Variants in ATG2B observed in about 807,000 individuals in gnomAD.
The protein encoded by ATG2B is autophagy related 2B, also known as autophagy-related protein 2 homolog B.
In ATG2B, 121 loss-of-function variants were observed where a neutral mutation model predicts 241.3. That is an observed-to-expected ratio of 0.50 (90% CI 0.43 to 0.58). The LOEUF is 0.58. Among genes scored for constraint, ATG2B ranks in the 20% least tolerant of loss-of-function variants. The pLI is 0.00. For synonymous variants in ATG2B, 858 were observed against 876.6 expected, an observed-to-expected ratio of 0.98 and a Z score of 0.37; for missense variants, 2,306 against 2,491.6, an observed-to-expected ratio of 0.93 and a Z score of 1.59.
chr14:96,304,648 A>C (rs2139849474), intron 31 of ATG2B, 45 bp from the exon 32 acceptor site: 1 of 1,416,624 alleles, frequency 7.1e-7, no homozygotes. Context: ...TTAAAGGAAT[A>C]TTCAAAGAAA....
chr14:96,349,589 G>A (rs981179685), intron 1 of ATG2B, among the ~76,000 whole-genome samples: 2 of 152,148 alleles, frequency 1.3e-5, no homozygotes, highest in Admixed American at 1.3e-4. Flanking sequence ...AACATATTTA[G>A]GAAGTAGAAT....
rs1261125006 is a variant in ATG2B at position 96,279,395 on chromosome 14, G to GTTCA, written c.*6356_*6359dup. On this transcript the variant is annotated 3_prime_UTR_variant, in exon 42 of 42. Transcript: ENST00000359933. Reference sequence around the variant, plus strand: ...CAGACAGGACTAGATGACCACTCGGGTTCACTCACTCATTCATTCATTCAT... The same window carrying GTTCA: ...CAGACAGGACTAGATGACCACTCGGGTTCATTCACTCACTCATTCATTCATTCAT... 1 of 87,634 alleles carries GTTCA rather than the reference G, an allele frequency of 1.1e-5. No homozygotes were observed. The highest frequency in any genetic ancestry group is 5.2e-5 in the African/African-American group (1 of 19,300). The allele number at this position is 87,634 out of a possible 1,614,324, so 5.4% of individuals were successfully genotyped here. A position where few individuals can be genotyped will look rare whatever the true frequency, so the allele number is the denominator to read the frequency against.
chr14:96,311,088 G>A (rs753388962), intron 28 of ATG2B, 29 bp downstream of exon 28: 36 of 1,579,882 alleles, frequency 2.3e-5, no homozygotes, highest in Non-Finnish European at 3.0e-5. Context: ...ACATGGCAGG[G>A]ACTGGAGGAA....
In ATG2B at chr14:96,325,724, C is replaced by A. The variant is rs774668959; in HGVS notation, c.2362G>T (p.Glu788Ter). The change falls in exon 15 of 42, where the codon GAA becomes TAA. Residue 788 changes from glutamate to a stop codon, truncating the protein, a stop_gained. Transcript: ENST00000359933. LOFTEE classifies it high-confidence loss of function. ...EILYLAFTDL[E>*]FKTEFIGGST... is the part of the protein sequence containing the mutation. The stretch of plus-strand genomic sequence containing the variant: ...CCTCCTATAAATTCAGTCTTAAATT[C>A]TAGATCTGTGAAGGCTAAATAAAGG... 6.2e-7 allele frequency: 1 copy of A among 1,613,792 alleles called. No homozygotes were observed. Among genetic ancestry groups the A allele is most frequent in the South Asian group, 1.1e-5 (1 of 91,066 alleles).
intron 34 of ATG2B, among the ~76,000 whole-genome samples, chr14:96,297,034 G>A (rs1221899674): frequency 2.0e-5 from 3 of 151,990 alleles, no homozygotes; most frequent in Non-Finnish European, 2.9e-5. Flanking sequence ...ATTCTGAAGC[G>A]GGGTAGTGGG....
intron 37 of ATG2B, 146 bp from the exon 38 acceptor site, chr14:96,291,828 A>G: frequency 1.6e-6 from 1 of 620,530 alleles, no homozygotes; most frequent in Non-Finnish European, 2.7e-6. Context: ...TATATCTTAC[A>G]ATACATATGA....
intron 11 of ATG2B, 74 bp from the exon 12 acceptor site, chr14:96,329,708 CAAGTT>C: frequency 1.1e-6 from 1 of 938,582 alleles, no homozygotes; most frequent in Non-Finnish European, 1.6e-6. Flanking sequence ...CTGACAAGTT[CAAGTT>C]ATCAATAATT....
chr14:96,287,241 G>A (rs1328949728), intron 41 of ATG2B, among the ~76,000 whole-genome samples: 53 of 106,146 alleles, frequency 5.0e-4, no homozygotes, highest in African/African-American at 1.9e-3. Context: ...GCAACAGAGC[G>A]AGACTCCGTC....
chr14:96,307,528 G>A (rs552972079), intron 29 of ATG2B, among the ~76,000 whole-genome samples: 1 of 152,344 alleles, frequency 6.6e-6, no homozygotes, highest in Non-Finnish European at 1.5e-5. Flanking sequence ...AAGCTCAGCA[G>A]TTGCTGGTTA....
chr14:96,318,943 G>A (rs117096075), intron 18 of ATG2B, among the ~76,000 whole-genome samples: 3 of 152,288 alleles, frequency 2.0e-5, no homozygotes, highest in East Asian at 1.9e-4. Context: ...GACTTGTGTC[G>A]ATCATCTCTA....
At chr14:96,287,935 C>T (rs1169397052) in intron 41 of ATG2B, among the ~76,000 whole-genome samples, 1 of 152,168 alleles carries the variant, frequency 6.6e-6, no homozygotes, top group Non-Finnish European at 1.5e-5. Flanking sequence ...ATCTATGACA[C>T]ACACAAGGCA....
chr14:96,326,047 A>T, intron 14 of ATG2B, 125 bp from the exon 15 acceptor site: 2 of 903,462 alleles, frequency 2.2e-6, no homozygotes. Context: ...TTAAAAGTCA[A>T]TTCAAATTAA....
Position 96,285,128 on chromosome 14 carries a change from T to C in ATG2B, c.*627A>G, listed in dbSNP as rs1209243467. 1 of 152,212 alleles carries C rather than the reference T, an allele frequency of 6.6e-6. No homozygotes were observed. The highest frequency in any genetic ancestry group is 1.5e-5 in the Non-Finnish European group (1 of 68,050). The allele number at this position is 152,212 out of a possible 1,614,324, so 9.4% of individuals were successfully genotyped here. A position where few individuals can be genotyped will look rare whatever the true frequency, so the allele number is the denominator to read the frequency against. On this transcript the variant is annotated 3_prime_UTR_variant, in exon 42 of 42. Coordinates refer to ENST00000359933, the MANE Select transcript of ATG2B (RefSeq NM_018036.7). The surrounding 1 kb of genome is among the most constrained non-coding windows in gnomAD (Gnocchi z 4.2). ...AAATATAGCACACAACTTGAATTAATCTAAAAACACATACACATAAACACA... is the reference window on the plus strand; with the variant it reads ...AAATATAGCACACAACTTGAATTAACCTAAAAACACATACACATAAACACA...
Position 96,284,244 on chromosome 14 carries a change from G to A in ATG2B, c.*1511C>T, listed in dbSNP as rs1422466481. 6.6e-6 allele frequency: 1 copy of A among 152,206 alleles called. No homozygotes were observed. The highest frequency in any genetic ancestry group is 1.9e-4 in the East Asian group (1 of 5,200). 9.4% of individuals were successfully genotyped at this position (152,206 alleles called of 1,614,324 possible). On this transcript the variant is annotated 3_prime_UTR_variant, in exon 42 of 42. Transcript: ENST00000359933. ...CCAGGACCAGGCTCTACCCGAATAAGAGATGGTCCCACGGTGCTTAAACAG... is the reference window on the plus strand; with the variant it reads ...CCAGGACCAGGCTCTACCCGAATAAAAGATGGTCCCACGGTGCTTAAACAG...
intron 6 of ATG2B, among the ~76,000 whole-genome samples, chr14:96,340,098 TATAG>T: frequency 7.6e-6 from 1 of 131,206 alleles, no homozygotes; most frequent in Non-Finnish European, 1.7e-5. Flanking sequence ...ATATATGCTA[TATAG>T]AATATATGAT....
intron 6 of ATG2B, among the ~76,000 whole-genome samples, chr14:96,339,020 G>T (rs1279049677): frequency 6.6e-6 from 1 of 152,006 alleles, no homozygotes; most frequent in Non-Finnish European, 1.5e-5. Context: ...CAACAACCAT[G>T]AAAAAGTGTT....
chr14:96,351,045 C>T (rs1888304108), intron 1 of ATG2B, among the ~76,000 whole-genome samples: 1 of 152,138 alleles, frequency 6.6e-6, no homozygotes, highest in Admixed American at 6.5e-5. Context: ...CTATCTTTTC[C>T]CATCTTATAC....
chr14:96,325,138 G>A (rs1473528254), intron 15 of ATG2B, among the ~76,000 whole-genome samples: 1 of 152,220 alleles, frequency 6.6e-6, no homozygotes, highest in Non-Finnish European at 1.5e-5. Context: ...TCCACTGTCA[G>A]ACTTGGGTTC....
rs11160330 is a variant in ATG2B, at chr14:96,308,257, C to A, written c.4303+1196G>T. 3.6e-4 allele frequency among the ~76,000 whole-genome samples: 12 copies of A among 33,716 alleles called. 1 individual carries two copies. The South Asian group carries it at 5.7e-3, about 16-fold the overall frequency. The allele number at this position is 33,716 out of a possible 152,430, so 22.1% of individuals were successfully genotyped here. A position where few individuals can be genotyped will look rare whatever the true frequency, so the allele number is the denominator to read the frequency against. On this transcript the variant is annotated intron_variant, in intron 29 of 41. Transcript: ENST00000359933. Reference sequence around the variant, plus strand: ...ATATATATATATATATATATACACACATATATATATATATATATATATATA... The same window carrying A: ...ATATATATATATATATATATACACAAATATATATATATATATATATATATA...
Sources: gnomAD v4.1 joint callset for allele counts (sites outside exome capture counted in the v4.1 genomes callset) on GRCh38, gnomAD v4.1.1 for gene constraint, Gnocchi (gnomAD v3.1) non-coding constraint, MANE v1.5 for transcripts, NCBI Gene and HGNC (gene_info 2026-07-23, HGNC 2026-07-21) for gene names.